Variants in DLG2 observed in about 807,000 individuals in gnomAD.
DLG2 encodes the protein discs large MAGUK scaffold protein 2.
DLG2 carries 45 observed loss-of-function variants against 132.5 expected under a neutral mutation model. That is an observed-to-expected ratio of 0.34 (90% confidence interval 0.27 to 0.44). The LOEUF (loss-of-function observed/expected upper bound fraction) is 0.44. Among genes scored for constraint, DLG2 ranks in the 20% least tolerant of loss-of-function variants. The probability of loss-of-function intolerance (pLI) is 1.00; values close to 1 mark genes in which losing one functional copy is unlikely to be tolerated. For synonymous variants in DLG2, 424 were observed against 419.6 expected (o/e 1.01, Z -0.13); for missense variants, 1,045 against 1,196.9 (o/e 0.87, Z 1.87).
chr11:84,955,329 C>G (rs923707687), intron 6 of DLG2: 1 of 152,092 alleles, frequency 6.6e-6, no homozygotes, highest in African/African-American at 2.4e-5. Flanking sequence ...CTTTATTGTC[C>G]TCATTTACAG....
chr11:84,606,178 A>T (rs189531663), intron 6 of DLG2, among the ~76,000 whole-genome samples: 1 of 152,094 alleles, frequency 6.6e-6, no homozygotes, highest in African/African-American at 2.4e-5. Context: ...AGAGTGCATT[A>T]AAAAAATGAA....
At chr11:85,041,182 GGT>G (rs370503026) in intron 6 of DLG2, among the ~76,000 whole-genome samples, 68 of 151,848 alleles carry the variant, frequency 4.5e-4, no homozygotes, top group African/African-American at 1.6e-3. Flanking sequence ...GAACTTGGAG[GGT>G]TTAAATAGCC....
intron 6 of DLG2, among the ~76,000 whole-genome samples, chr11:84,854,955 A>G (rs1039862670): frequency 6.6e-6 from 1 of 151,856 alleles, no homozygotes; most frequent in Non-Finnish European, 1.5e-5. Flanking sequence ...TTATTTTTAA[A>G]CCTCTCTAAG....
At chr11:83,523,054 T>C (rs952550204) in intron 21 of DLG2, among the ~76,000 whole-genome samples, 1 of 152,224 alleles carries the variant, frequency 6.6e-6, no homozygotes, top group African/African-American at 2.4e-5. Flanking sequence ...CATTCACTTC[T>C]GCATCTTTAT....
At chr11:85,102,165 A>G (rs920571512) in intron 6 of DLG2, among the ~76,000 whole-genome samples, 2 of 152,080 alleles carry the variant, frequency 1.3e-5, no homozygotes, top group Non-Finnish European at 2.9e-5. Context: ...CAATTTGCCT[A>G]TAGAGATAGT....
chr11:83,719,707 G>A (rs534756165), intron 18 of DLG2, among the ~76,000 whole-genome samples: 1 of 152,280 alleles, frequency 6.6e-6, no homozygotes, highest in South Asian at 2.1e-4. Flanking sequence ...CCCCCATTAG[G>A]CCCTACCTCT....
chr11:84,112,740 C>T (rs1192399721), intron 9 of DLG2, among the ~76,000 whole-genome samples: 2 of 152,166 alleles, frequency 1.3e-5, no homozygotes, highest in Non-Finnish European at 2.9e-5. Context: ...CTTTACCAAC[C>T]TTGACTAGGC....
intron 8 of DLG2, among the ~76,000 whole-genome samples, chr11:84,238,489 T>C (rs943071167): frequency 1.7e-4 from 26 of 150,650 alleles, no homozygotes; most frequent in Non-Finnish European, 3.5e-4. Context: ...CACTGCACTC[T>C]GGCCTAGGCA....
chr11:83,576,733 T>C (rs1295415258), intron 19 of DLG2, among the ~76,000 whole-genome samples: 1 of 152,106 alleles, frequency 6.6e-6, no homozygotes, highest in Non-Finnish European at 1.5e-5. Flanking sequence ...AAACATAAAA[T>C]GCTGAAAGAA....
rs1374653503 is a variant in DLG2, at chr11:85,626,752, T to G, written c.-258A>C. On this transcript the variant is annotated splice_region_variant and 5_prime_UTR_variant, in exon 2 of 28. Coordinates refer to ENST00000376104, the MANE Select transcript of DLG2 (RefSeq NM_001142699.3). ...TCAGTTTTGAAATCCAGGCTGAGTC[T>G]TCTATGTCAGACAAAGAAAATAATG... 6.6e-6 allele frequency: 1 copy of G among 152,216 alleles called. No homozygotes were observed. The highest frequency in any genetic ancestry group is 1.5e-5 in the Non-Finnish European group (1 of 68,034). The allele number at this position is 152,216 out of a possible 1,614,324, so 9.4% of individuals were successfully genotyped here. A position where few individuals can be genotyped will look rare whatever the true frequency, so the allele number is the denominator to read the frequency against.
intron 7 of DLG2, among the ~76,000 whole-genome samples, chr11:84,490,743 A>G (rs2099162799): frequency 6.6e-6 from 1 of 152,000 alleles, no homozygotes; most frequent in Non-Finnish European, 1.5e-5. Flanking sequence ...GATAAGAAAC[A>G]TATGAACCTA....
At position 84,593,219 on chromosome 11, in the gene DLG2, T is replaced by C. The variant is rs191637094; in HGVS notation, c.358-58488A>G. On this transcript the variant is annotated intron_variant, in intron 6 of 27. Transcript: ENST00000376104. ...GTGGCAGTGTAAATTAGTTCAAACA[T>C]TGTGGAAGATAGAGTGGTGATTCTT... Among the ~76,000 whole-genome samples, 897 of 151,976 alleles carry C rather than the reference T, an allele frequency of 5.9e-3. 17 individuals carry two copies. The highest frequency in any genetic ancestry group is 0.034 in the Admixed American group (517 of 15,274).
intron 10 of DLG2, among the ~76,000 whole-genome samples, chr11:84,071,875 A>C (rs993091691): frequency 3.9e-5 from 6 of 152,348 alleles, no homozygotes; most frequent in African/African-American, 1.4e-4. Context: ...TTTCTGCAGC[A>C]TAGAGGAAAA....
At chr11:85,492,227 T>C (rs1182792199) in intron 3 of DLG2, among the ~76,000 whole-genome samples, 1 of 152,194 alleles carries the variant, frequency 6.6e-6, no homozygotes, top group Non-Finnish European at 1.5e-5. Context: ...TAAATGTGTA[T>C]TCGGTTGGTG....
chr11:84,282,500 A>G (rs2097862910), intron 7 of DLG2, among the ~76,000 whole-genome samples: 2 of 152,142 alleles, frequency 1.3e-5, no homozygotes, highest in Non-Finnish European at 2.9e-5. Flanking sequence ...AACTCATCAA[A>G]CTGTACCTCA....
intron 18 of DLG2, among the ~76,000 whole-genome samples, chr11:83,744,503 A>T (rs1046405621): frequency 6.6e-6 from 1 of 152,078 alleles, no homozygotes; most frequent in Admixed American, 6.6e-5. Flanking sequence ...ATGAAAGTCA[A>T]CATCACCACC....
chr11:84,900,413 C>A (rs2154070133), intron 6 of DLG2, among the ~76,000 whole-genome samples: 1 of 152,054 alleles, frequency 6.6e-6, no homozygotes, highest in South Asian at 2.1e-4. Flanking sequence ...AATACAATCG[C>A]AAATAAGCAT....
intron 7 of DLG2, among the ~76,000 whole-genome samples, chr11:84,403,465 C>A (rs76931292): frequency 6.6e-6 from 1 of 152,172 alleles, no homozygotes; most frequent in Non-Finnish European, 1.5e-5. Context: ...TGCCACCACC[C>A]TCATTCAAGC....
intron 3 of DLG2, among the ~76,000 whole-genome samples, chr11:85,520,323 C>T (rs939542510): frequency 6.6e-6 from 1 of 152,004 alleles, no homozygotes; most frequent in Middle Eastern, 3.2e-3. Flanking sequence ...AACGATAAAA[C>T]ATTGATGAAG....
Sources: gnomAD v4.1 joint callset for allele counts (sites outside exome capture counted in the v4.1 genomes callset) on GRCh38, gnomAD v4.1.1 for gene constraint, MANE v1.5 for transcripts, NCBI Gene and HGNC (gene_info 2026-07-23, HGNC 2026-07-21) for gene names.